Variants in SLC6A3 observed in about 807,000 individuals in gnomAD.
SLC6A3 encodes solute carrier family 6 member 3.
SLC6A3 carries 19 observed loss-of-function variants against 70.4 expected under a neutral mutation model. The ratio of observed to expected loss-of-function variants is 0.27; its 90% CI spans 0.19 to 0.40. The LOEUF is 0.40. Ranked by LOEUF, SLC6A3 falls within the 10% of genes least tolerant of loss-of-function variation. The probability of loss-of-function intolerance (pLI) is 1.00; values close to 1 mark genes in which losing one functional copy is unlikely to be tolerated. For missense variants in SLC6A3, 613 were observed against 838.5 expected, an observed-to-expected ratio of 0.73 and a Z score of 3.32; for synonymous variants, 368 against 356.6, an observed-to-expected ratio of 1.03 and a Z score of -0.36.
chr5:1,434,191 C>T (rs458609), intron 3 of SLC6A3, among the ~76,000 whole-genome samples: 42,631 of 152,180 alleles, frequency 0.28, 6,465 homozygotes, highest in East Asian at 0.53. Context: ...TTCCTAGAAT[C>T]ACCCAGGGCC....
chr5:1,403,171 G>A, intron 12 of SLC6A3, 82 bp from the exon 13 acceptor site: 1 of 1,480,332 alleles, frequency 6.8e-7, no homozygotes, highest in Non-Finnish European at 9.3e-7. Flanking sequence ...GCACTTCATG[G>A]CAGAGCGTCT....
rs1308153891 is a variant in SLC6A3 at position 1,396,775 on chromosome 5, G to A, written c.1840-2017C>T. Among the ~76,000 whole-genome samples, 1 of 152,202 alleles carries A rather than the reference G, an allele frequency of 6.6e-6. No homozygotes were observed. The highest frequency in any genetic ancestry group is 1.5e-5 in the Non-Finnish European group (1 of 68,038). ...TCATGATTCTCGGGGATCTGCATGG[G>A]GTGTGCATAAGGTCTTGCTTCAGTA... On this transcript the variant is annotated intron_variant, in intron 14 of 14. Coordinates refer to ENST00000270349, the MANE Select transcript of SLC6A3 (RefSeq NM_001044.5). This position sits in a 1 kb window ranked among gnomAD's most constrained non-coding sequence, Gnocchi z 7.0.
rs1756417879 is a variant in SLC6A3, at chr5:1,420,797, G to C, written c.793-94C>G. On this transcript the variant is annotated intron_variant, in intron 5 of 14. Transcript: ENST00000270349. Reference sequence around the variant, plus strand: ...GGGCACCGGGTTGCCCTGACGGCTTGTCCTCTGATTGGGAGGCCCAATTCC... The same window carrying C: ...GGGCACCGGGTTGCCCTGACGGCTTCTCCTCTGATTGGGAGGCCCAATTCC... The C allele has an allele frequency of 2.9e-6, 4 of 1,388,762 alleles. No individual in the cohort carries two copies. The Admixed American group carries it at 7.0e-5, about 24-fold the overall frequency. The allele number at this position is 1,388,762 out of a possible 1,614,324, so 86.0% of individuals were successfully genotyped here. A position where few individuals can be genotyped will look rare whatever the true frequency, so the allele number is the denominator to read the frequency against.
Position 1,394,468 on chromosome 5 carries a change from C to T in SLC6A3, c.*267G>A. ...AGACAGCATGAAGTTAGACGTTTTT[C>T]TGCCCTGCAGGGACAACAACGGGGT... On this transcript the variant is annotated 3_prime_UTR_variant, in exon 15 of 15. Coordinates refer to ENST00000270349, the MANE Select transcript of SLC6A3 (RefSeq NM_001044.5). The surrounding 1 kb of genome is among the most constrained non-coding windows in gnomAD (Gnocchi z 4.7). The T allele has an allele frequency of 1.7e-6, 1 of 587,002 alleles. No homozygotes were observed. The allele number at this position is 587,002 out of a possible 1,614,324, so 36.4% of individuals were successfully genotyped here.
chr5:1,415,624 G>T (rs1207429877), intron 7 of SLC6A3, among the ~76,000 whole-genome samples: 1 of 152,206 alleles, frequency 6.6e-6, no homozygotes, highest in East Asian at 1.9e-4. Flanking sequence ...TTCTGTTTCT[G>T]TTTTTAGAAG....
rs767241571 is a variant in SLC6A3, at chr5:1,403,012, C to T, written c.1677G>A (p.Ala559=). The T allele has an allele frequency of 5.9e-5, 96 of 1,614,062 alleles. No individual in the cohort carries two copies. The highest frequency in any genetic ancestry group is 3.8e-4 in the East Asian group (17 of 44,888). ...GAYIFPDWAN[A]LGWVIATSSM... is the part of the protein sequence containing the mutation. Reference sequence around the variant, plus strand: ...AGGATGTGGCGATGACCCAGCCCAGCGCGTTGGCCCAGTCGGGGAAGATGT... The same window carrying T: ...AGGATGTGGCGATGACCCAGCCCAGTGCGTTGGCCCAGTCGGGGAAGATGT... The change falls in exon 13 of 15, where the codon GCG becomes GCA. Residue 559 remains alanine, a synonymous_variant. Transcript: ENST00000270349.
rs28382232 is a variant in SLC6A3, at chr5:1,440,481, G to T, written c.418+878C>A. The stretch of plus-strand genomic sequence containing the variant: ...GGATGAATGGGTAGATGACAGACGG[G>T]TGAATAGATGATTGACAGATAATAG... On this transcript the variant is annotated intron_variant, in intron 3 of 14. Transcript: ENST00000270349. 3.7e-3 allele frequency among the ~76,000 whole-genome samples: 570 copies of T among 152,110 alleles called. 4 individuals are homozygous for T. Among genetic ancestry groups the T allele is most frequent in the Non-Finnish European group, 6.1e-3 (416 of 68,026 alleles).
rs538673079 is a variant in SLC6A3, at chr5:1,401,969, C to T, written c.1767+953G>A. Among the ~76,000 whole-genome samples, 1 of 152,354 alleles carries T rather than the reference C, an allele frequency of 6.6e-6. No individual in the cohort carries two copies. Among genetic ancestry groups the T allele is most frequent in the South Asian group, 2.1e-4 (1 of 4,828 alleles). On this transcript the variant is annotated intron_variant, in intron 13 of 14. Coordinates refer to ENST00000270349, the MANE Select transcript of SLC6A3 (RefSeq NM_001044.5). The surrounding 1 kb of genome is among the most constrained non-coding windows in gnomAD (Gnocchi z 6.1). ...CCCACTCCACAGAAGCCCCCAGCCACACACTGTGCTTTGCCTGCACTGGGC... is the reference window on the plus strand; with the variant it reads ...CCCACTCCACAGAAGCCCCCAGCCATACACTGTGCTTTGCCTGCACTGGGC...
chr5:1,422,116 G>A, intron 4 of SLC6A3, 102 bp from the exon 5 acceptor site: 1 of 1,275,000 alleles, frequency 7.8e-7, no homozygotes, highest in Admixed American at 1.8e-5. Context: ...ATCTCAGCAG[G>A]GCAGAAAGCA....
Position 1,414,694 on chromosome 5 carries a change from C to A in SLC6A3, c.1153G>T (p.Asp385Tyr). The stretch of plus-strand genomic sequence containing the variant: ...AGGTGCAGCAGGAGGGGCTCACCGT[C>A]CTTGGCCACGTCCCCGATGGGCACA... Reference protein sequence around the residue: ...HSVPIGDVAKDGPGLIFIIYP... With the variant: ...HSVPIGDVAKYGPGLIFIIYP... The change falls in exon 8 of 15, where the codon GAC becomes TAC. Residue 385 changes from aspartate to tyrosine, a missense_variant. Asp to Tyr is a radical substitution (Grantham distance 160, BLOSUM62 -3). Around this residue, in one of 4 missense-constraint regions of SLC6A3, gnomAD observed 348 missense variants for 481.2 expected, o/e 0.72. Coordinates refer to ENST00000270349, the MANE Select transcript of SLC6A3 (RefSeq NM_001044.5). 6.2e-7 allele frequency: 1 copy of A among 1,612,444 alleles called. No individual in the cohort carries two copies. Among genetic ancestry groups the A allele is most frequent in the Non-Finnish European group, 8.5e-7 (1 of 1,179,750 alleles).
intron 9 of SLC6A3, among the ~76,000 whole-genome samples, chr5:1,410,912 ATGTG>A (rs905530136): frequency 5.3e-5 from 8 of 150,568 alleles, no homozygotes; most frequent in Non-Finnish European, 7.4e-5. Context: ...GGTGGTGTGA[ATGTG>A]TGTGTTCGTG....
At chr5:1,423,765 C>T (rs749361869) in intron 4 of SLC6A3, among the ~76,000 whole-genome samples, 1 of 152,240 alleles carries the variant, frequency 6.6e-6, no homozygotes, top group Non-Finnish European at 1.5e-5. Context: ...TGCGTCACCA[C>T]TGCAGACTGT....
rs569379284 is a variant in SLC6A3, at chr5:1,404,963, T to G, written c.1599+1225A>C. Among the ~76,000 whole-genome samples the G allele has an allele frequency of 3.3e-5, 5 of 152,350 alleles. No individual in the cohort carries two copies. Among genetic ancestry groups the G allele is most frequent in the Admixed American group, 2.0e-4 (3 of 15,306 alleles). ...CCCTCAAGGGGAGCCAACGTCCTCA[T>G]GCAAAACAGCTCAGTTTCAACTAAT... is the stretch of plus-strand genomic sequence containing the variant. On this transcript the variant is annotated intron_variant, in intron 12 of 14. Coordinates refer to ENST00000270349, the MANE Select transcript of SLC6A3 (RefSeq NM_001044.5). This position sits in a 1 kb window ranked among gnomAD's most constrained non-coding sequence, Gnocchi z 5.2.
rs1755972286 is a variant in SLC6A3 at position 1,406,095 on chromosome 5, A to G, written c.1599+93T>C. On this transcript the variant is annotated intron_variant, in intron 12 of 14. Coordinates refer to ENST00000270349, the MANE Select transcript of SLC6A3 (RefSeq NM_001044.5). The surrounding 1 kb of genome is among the most constrained non-coding windows in gnomAD (Gnocchi z 8.8). Reference sequence around the variant, plus strand: ...GAGGCCCCTGACTCCAGCCACAGTGACAACCCACATGCGGGCGCTGGACCT... The same window carrying G: ...GAGGCCCCTGACTCCAGCCACAGTGGCAACCCACATGCGGGCGCTGGACCT... The G allele has an allele frequency of 1.1e-6, 1 of 892,108 alleles. No individual in the cohort carries two copies. The highest frequency in any genetic ancestry group is 1.6e-5 in the African/African-American group (1 of 61,102). 55.3% of individuals were successfully genotyped at this position (892,108 alleles called of 1,614,324 possible).
chr5:1,416,860 G>A (rs575763220), intron 6 of SLC6A3, among the ~76,000 whole-genome samples: 3 of 149,776 alleles, frequency 2.0e-5, no homozygotes, highest in African/African-American at 7.4e-5. Flanking sequence ...ATCCACACAT[G>A]ACATGACCGC....
At chr5:1,417,082 CCT>C (rs1756318914) in intron 6 of SLC6A3, among the ~76,000 whole-genome samples, 2 of 151,170 alleles carry the variant, frequency 1.3e-5, no homozygotes, top group African/African-American at 4.9e-5. Context: ...TTCACAACCC[CCT>C]GAGTGTGTCC....
rs200564347 is a variant in SLC6A3, at chr5:1,432,490, C to T, written c.627G>A (p.Gly209=). The part of the protein sequence containing the change: ...GDSSGLNDTF[G]TTPAAEYFER... ...CAAAGTACTCGGCAGCAGGTGTGGT[C>T]CCAAAAGTGTCGTTGAGGCCCGAGC... The change falls in exon 4 of 15, where the codon GGG becomes GGA. Residue 209 remains glycine, a synonymous_variant. Coordinates refer to ENST00000270349, the MANE Select transcript of SLC6A3 (RefSeq NM_001044.5). 2 of 1,614,160 alleles carry T rather than the reference C, an allele frequency of 1.2e-6. No homozygotes were observed. Among genetic ancestry groups the T allele is most frequent in the African/African-American group, 1.3e-5 (1 of 75,074 alleles).
intron 4 of SLC6A3, among the ~76,000 whole-genome samples, chr5:1,426,518 G>T (rs575728411): frequency 6.6e-6 from 1 of 152,120 alleles, no homozygotes; most frequent in Non-Finnish European, 1.5e-5. Context: ...CTCCAGCCTG[G>T]ACAACAGAGT....
intron 2 of SLC6A3, among the ~76,000 whole-genome samples, 194 bp from the exon 3 acceptor site, chr5:1,441,684 G>A (rs1330932466): frequency 3.9e-5 from 6 of 152,130 alleles, no homozygotes; most frequent in African/African-American, 1.2e-4. Context: ...TGCCTGACAC[G>A]TCCCTCCTGG....
Sources: gnomAD v4.1 joint callset for allele counts (sites outside exome capture counted in the v4.1 genomes callset) on GRCh38, gnomAD v4.1.1 for gene constraint, gnomAD v4.1.1 regional missense constraint, Gnocchi (gnomAD v3.1) non-coding constraint, MANE v1.5 for transcripts, NCBI Gene and HGNC (gene_info 2026-07-23, HGNC 2026-07-21) for gene names.